Variants in MCM5 observed in about 807,000 individuals in gnomAD.
The protein encoded by MCM5 is minichromosome maintenance complex component 5.
MCM5 carries 46 observed loss-of-function variants against 79.9 expected under a neutral mutation model. The observed-to-expected ratio is 0.58, with a 90% CI of 0.45 to 0.74. MCM5 has a LOEUF of 0.74. Ranked by LOEUF, MCM5 falls within the 30% of genes least tolerant of loss-of-function variation. The pLI, the probability that MCM5 is intolerant of heterozygous loss-of-function variation, is 0.00. For missense variants in MCM5, 883 were observed against 1,017.0 expected, an observed-to-expected ratio of 0.87 and a Z score of 1.79; for synonymous variants, 404 against 390.5, an observed-to-expected ratio of 1.03 and a Z score of -0.41.
the MCM5 span, among the ~76,000 whole-genome samples, chr22:35,443,958 C>T: frequency 1.3e-5 from 2 of 152,174 alleles, no homozygotes; most frequent in African/African-American, 4.8e-5. Flanking sequence ...TACTTGGCCT[C>T]TCTATGCCTC....
intron 6 of MCM5, 103 bp downstream of exon 6, chr22:35,408,666 G>C: frequency 7.6e-7 from 1 of 1,309,512 alleles, no homozygotes; most frequent in East Asian, 2.5e-5. Flanking sequence ...AGGGTGAGTA[G>C]GGTGGAGAAG....
At chr22:35,414,808 G>A (rs1215703432) in intron 9 of MCM5, among the ~76,000 whole-genome samples, 1 of 152,160 alleles carries the variant, frequency 6.6e-6, no homozygotes, top group Non-Finnish European at 1.5e-5. Context: ...TCTCACTGCT[G>A]GTAAGCATTA....
At chr22:35,440,297 C>T in the MCM5 span, among the ~76,000 whole-genome samples, 70 of 152,368 alleles carry the variant, frequency 4.6e-4, no homozygotes, top group African/African-American at 1.5e-3. Flanking sequence ...TGGAAGCATG[C>T]AGAAGGTCCC....
intron 4 of MCM5, 35 bp from the exon 5 acceptor site, chr22:35,406,518 C>T (rs1274520193): frequency 1.9e-6 from 3 of 1,596,072 alleles, no homozygotes; most frequent in Non-Finnish European, 2.6e-6. Flanking sequence ...CCTGGCTCCC[C>T]TTAACCAACA....
Position 35,406,544 on chromosome 22 carries a change from C to G in MCM5, c.424-9C>G, listed in dbSNP as rs770358955. 4.3e-6 allele frequency: 7 copies of G among 1,611,628 alleles called. No homozygotes were observed. Among genetic ancestry groups the G allele is most frequent in the Admixed American group, 3.3e-5 (2 of 59,882 alleles). Reference sequence around the variant, plus strand: ...TTAACCAACAAGCTTCCCGATGGCTCTATTACAGTCGGACATGATGTCACA... The same window carrying G: ...TTAACCAACAAGCTTCCCGATGGCTGTATTACAGTCGGACATGATGTCACA... On this transcript the variant is annotated splice_polypyrimidine_tract_variant and intron_variant, in intron 4 of 16. Coordinates refer to ENST00000216122, the MANE Select transcript of MCM5 (RefSeq NM_006739.4).
intron 4 of MCM5, among the ~76,000 whole-genome samples, chr22:35,403,801 C>T (rs1220307147): frequency 6.6e-6 from 1 of 152,160 alleles, no homozygotes; most frequent in Admixed American, 6.5e-5. Flanking sequence ...CTATTTTGTC[C>T]TTTTTCTTTT....
At chr22:35,421,643 C>T in intron 15 of MCM5, 183 bp downstream of exon 15, 1 of 775,910 alleles carries the variant, frequency 1.3e-6, no homozygotes. Context: ...CCGCTGTTTC[C>T]TCCAAGATGG....
intron 2 of MCM5, 82 bp from the exon 3 acceptor site, chr22:35,403,125 G>A (rs796959785): frequency 6.5e-7 from 1 of 1,545,156 alleles, no homozygotes; most frequent in South Asian, 1.2e-5. Context: ...GGCAGATTCA[G>A]GGGTGCAGGC....
chr22:35,441,924 C>T, the MCM5 span, among the ~76,000 whole-genome samples: 1 of 152,116 alleles, frequency 6.6e-6, no homozygotes, highest in East Asian at 1.9e-4. Flanking sequence ...GCCTCTTGAT[C>T]CGGTTCAGAG....
the MCM5 span, among the ~76,000 whole-genome samples, chr22:35,453,819 T>TATATATATAGAGAGAGAGAGAGAGAGAG: frequency 3.7e-5 from 3 of 81,546 alleles, no homozygotes; most frequent in South Asian, 5.0e-4. Flanking sequence ...TATATATATA[T>TATATATATAGAGAGAGAGAGAGAGAGAG]AGAGAGAGAG....
intron 2 of MCM5, among the ~76,000 whole-genome samples, chr22:35,402,100 G>A (rs1932072064): frequency 6.6e-6 from 1 of 152,178 alleles, no homozygotes; most frequent in South Asian, 2.1e-4. Flanking sequence ...GCAGTCACAT[G>A]GGATGCTCTG....
chr22:35,447,143 G>T, the MCM5 span, among the ~76,000 whole-genome samples: 4 of 152,184 alleles, frequency 2.6e-5, no homozygotes, highest in Admixed American at 2.6e-4. Flanking sequence ...GGGCTTCCCG[G>T]CTCTGGGTGG....
the MCM5 span, among the ~76,000 whole-genome samples, chr22:35,447,021 G>A: frequency 6.6e-5 from 10 of 152,180 alleles, no homozygotes; most frequent in Admixed American, 3.3e-4. Context: ...GCAGCGGTCC[G>A]CGCTTCTCTA....
At chr22:35,445,420 C>A in the MCM5 span, among the ~76,000 whole-genome samples, 13 of 149,716 alleles carry the variant, frequency 8.7e-5, no homozygotes, top group African/African-American at 3.2e-4. Context: ...CCTCTACCTC[C>A]TGGGTTCAAG....
chr22:35,438,263 C>T, the MCM5 span, among the ~76,000 whole-genome samples: 2 of 128,672 alleles, frequency 1.6e-5, no homozygotes, highest in Admixed American at 7.7e-5. Context: ...ACCCACCCAC[C>T]CACCCACCCA....
chr22:35,438,299 T>A, the MCM5 span, among the ~76,000 whole-genome samples: 1 of 68,268 alleles, frequency 1.5e-5, no homozygotes, highest in Non-Finnish European at 2.6e-5. Flanking sequence ...ATCCACCCAC[T>A]CACCTATTCA....
chr22:35,400,701 G>T, intron 2 of MCM5, 96 bp downstream of exon 2: 1 of 1,342,956 alleles, frequency 7.4e-7, no homozygotes, highest in South Asian at 1.5e-5. Flanking sequence ...GGGCACAGAT[G>T]GGCCCAGACG....
chr22:35,426,698 G>A (rs1270375471), downstream of MCM5, among the ~76,000 whole-genome samples: 1 of 152,206 alleles, frequency 6.6e-6, no homozygotes, highest in Non-Finnish European at 1.5e-5. Context: ...CAGAGCAGCT[G>A]GGCCTGGCCC....
intron 5 of MCM5, among the ~76,000 whole-genome samples, chr22:35,408,135 C>T (rs1465463260): frequency 1.3e-5 from 2 of 152,118 alleles, no homozygotes; most frequent in African/African-American, 2.4e-5. Flanking sequence ...GCAAGAAGAC[C>T]GAGTGTGACC....
Sources: allele counts gnomAD v4.1 joint callset (sites outside exome capture counted in the v4.1 genomes callset), GRCh38; gene constraint gnomAD v4.1.1; transcripts MANE v1.5; gene names NCBI Gene and HGNC (gene_info 2026-07-23, HGNC 2026-07-21).